ATXN1: variants seen among roughly 807,000 people sequenced by gnomAD.
ATXN1 encodes the protein ataxin-1.
ATXN1 carries 8 observed loss-of-function variants against 56.4 expected under a neutral mutation model. The ratio of observed to expected loss-of-function variants is 0.14; its 90% CI spans 0.08 to 0.26. The LOEUF (loss-of-function observed/expected upper bound fraction) is 0.26. Ranked by LOEUF, ATXN1 falls within the 10% of genes least tolerant of loss-of-function variation. The probability of loss-of-function intolerance (pLI) is 1.00; values close to 1 mark genes in which losing one functional copy is unlikely to be tolerated. For synonymous variants in ATXN1, 514 were observed against 494.6 expected (o/e 1.04, Z -0.52); for missense variants, 987 against 1,106.5 (o/e 0.89, Z 1.53).
intron 6 of ATXN1, among the ~76,000 whole-genome samples, chr6:16,431,733 C>A (rs769089238): frequency 6.6e-6 from 1 of 152,280 alleles, no homozygotes; most frequent in Middle Eastern, 3.4e-3. Context: ...GAGTTCAAAT[C>A]CAGATCTCCA....
chr6:16,569,479 C>T (rs1340460217), intron 4 of ATXN1, among the ~76,000 whole-genome samples: 2 of 149,930 alleles, frequency 1.3e-5, no homozygotes, highest in South Asian at 2.1e-4. Flanking sequence ...GTGAGCCAAG[C>T]TCACACCACT....
intron 6 of ATXN1, among the ~76,000 whole-genome samples, chr6:16,344,593 C>G (rs1761337149): frequency 6.6e-6 from 1 of 152,216 alleles, no homozygotes; most frequent in East Asian, 1.9e-4. Context: ...AGCTTTTGGA[C>G]TCTTGGACCT....
intron 6 of ATXN1, among the ~76,000 whole-genome samples, chr6:16,352,685 C>T (rs376018057): frequency 2.6e-5 from 4 of 152,074 alleles, no homozygotes; most frequent in Non-Finnish European, 4.4e-5. Flanking sequence ...CAATAGTCCC[C>T]GCCTTATCCA....
intron 6 of ATXN1, among the ~76,000 whole-genome samples, chr6:16,400,338 G>C (rs1485067903): frequency 1.3e-5 from 2 of 152,168 alleles, no homozygotes; most frequent in Non-Finnish European, 2.9e-5. Flanking sequence ...CTCTGAGGTG[G>C]AGAGAGCTCA....
At chr6:16,620,817 C>A (rs1263466756) in intron 3 of ATXN1, among the ~76,000 whole-genome samples, 1 of 152,142 alleles carries the variant, frequency 6.6e-6, no homozygotes, top group Admixed American at 6.6e-5. Flanking sequence ...GTTCTAGGAC[C>A]CCCACCTACT....
At chr6:16,614,508 A>G (rs1763168884) in intron 3 of ATXN1, among the ~76,000 whole-genome samples, 1 of 151,834 alleles carries the variant, frequency 6.6e-6, no homozygotes, top group Non-Finnish European at 1.5e-5. Context: ...GTTTTCTCTT[A>G]AATATTCTGT....
At chr6:16,465,286 G>A (rs943578456) in intron 6 of ATXN1, among the ~76,000 whole-genome samples, 3 of 152,040 alleles carry the variant, frequency 2.0e-5, no homozygotes, top group South Asian at 2.1e-4. Context: ...GTGAAACCCC[G>A]TCTCTACTAA....
At chr6:16,435,608 G>A (rs1759372684) in intron 6 of ATXN1, among the ~76,000 whole-genome samples, 1 of 151,978 alleles carries the variant, frequency 6.6e-6, no homozygotes, top group Non-Finnish European at 1.5e-5. Context: ...CACACAACTG[G>A]TCCAATGACA....
In ATXN1 at chr6:16,315,251, C is replaced by T. The variant is rs370235984; in HGVS notation, c.1918-8392G>A. On this transcript the variant is annotated intron_variant, in intron 7 of 7. Transcript: ENST00000436367. ...CTCCATAAATGGTATCCCATTCTTCCGGCTGTTCAATCAAGCACCTTGGAA... is the reference window on the plus strand; with the variant it reads ...CTCCATAAATGGTATCCCATTCTTCTGGCTGTTCAATCAAGCACCTTGGAA... Among the ~76,000 whole-genome samples the T allele has an allele frequency of 3.5e-4, 53 of 152,314 alleles. No individual in the cohort carries two copies. The South Asian group carries it at 9.5e-3, about 27-fold the overall frequency.
At chr6:16,460,625 G>A (rs1349545396) in intron 6 of ATXN1, among the ~76,000 whole-genome samples, 2 of 152,194 alleles carry the variant, frequency 1.3e-5, no homozygotes, top group Non-Finnish European at 2.9e-5. Context: ...TCTCCCAGAG[G>A]ATGGAGAACC....
chr6:16,693,653 C>T (rs144343115), intron 2 of ATXN1, among the ~76,000 whole-genome samples: 78 of 152,260 alleles, frequency 5.1e-4, no homozygotes, highest in Middle Eastern at 6.8e-3. Context: ...GCACACCCAC[C>T]GTGAGAACAT....
At chr6:16,644,492 C>T (rs981216699) in intron 3 of ATXN1, among the ~76,000 whole-genome samples, 3 of 132,812 alleles carry the variant, frequency 2.3e-5, no homozygotes, top group South Asian at 2.3e-4. Flanking sequence ...TCCAGCCTGG[C>T]GACAGAGCAA....
intron 6 of ATXN1, among the ~76,000 whole-genome samples, chr6:16,467,330 T>A (rs1760128041): frequency 6.6e-6 from 1 of 152,254 alleles, no homozygotes; most frequent in South Asian, 2.1e-4. Flanking sequence ...TGCAGCGATG[T>A]GGCCGGGAGT....
chr6:16,616,579 A>T (rs999140672), intron 3 of ATXN1, among the ~76,000 whole-genome samples: 53 of 145,164 alleles, frequency 3.7e-4, no homozygotes, highest in Non-Finnish European at 6.5e-4. Flanking sequence ...AGTATATAAT[A>T]TATTTTATAA....
intron 6 of ATXN1, among the ~76,000 whole-genome samples, chr6:16,418,639 T>C (rs1040874360): frequency 2.0e-5 from 3 of 151,254 alleles, no homozygotes; most frequent in Non-Finnish European, 4.4e-5. Context: ...ACATGTGCCA[T>C]GCTGGTGTGC....
chr6:16,329,147 T>C (rs1760920725), intron 6 of ATXN1, among the ~76,000 whole-genome samples: 1 of 152,140 alleles, frequency 6.6e-6, no homozygotes, highest in African/African-American at 2.4e-5. Context: ...TTAAATTTCC[T>C]TTTCAGAAAT....
chr6:16,327,696 C>A lies in ATXN1; in HGVS notation c.615G>T (p.Gln205His), dbSNP rs200788953. 269 of 1,592,364 alleles carry A rather than the reference C, an allele frequency of 1.7e-4. No individual in the cohort carries two copies. The highest frequency in any genetic ancestry group is 1.4e-3 in the African/African-American group (100 of 73,246). ...AEQQQQQQQQQQQQHQHQQQQ... is the reference protein window; with the variant it reads ...AEQQQQQQQQHQQQHQHQQQQ... ...GCTGCTGATGCTGATGCTGCTGCTG[C>A]TGCTGCTGCTGCTGCTGCTGCTGCT... The change falls in exon 7 of 8, where the codon CAG (glutamine) becomes CAT (histidine). Residue 205 changes from glutamine to histidine, a missense_variant. Transcript: ENST00000436367.
At chr6:16,612,101 C>T (rs139166270) in intron 3 of ATXN1, among the ~76,000 whole-genome samples, 10 of 152,000 alleles carry the variant, frequency 6.6e-5, no homozygotes, top group Admixed American at 2.6e-4. Context: ...CCTCATGATG[C>T]GCCTGCCTCA....
At chr6:16,440,821 A>C (rs1279329510) in intron 6 of ATXN1, among the ~76,000 whole-genome samples, 1 of 152,124 alleles carries the variant, frequency 6.6e-6, no homozygotes, top group Non-Finnish European at 1.5e-5. Context: ...CACAGCCAAA[A>C]ACCCATGGAC....
Sources: gnomAD v4.1 joint callset for allele counts (sites outside exome capture counted in the v4.1 genomes callset) on GRCh38, gnomAD v4.1.1 for gene constraint, MANE v1.5 for transcripts, NCBI Gene and HGNC (gene_info 2026-07-23, HGNC 2026-07-21) for gene names.